The following NMT1 variants were observed in gnomAD, a reference collection of about 807,000 sequenced individuals.
The protein encoded by NMT1 is glycylpeptide N-tetradecanoyltransferase 1.
A neutral mutation model predicts 63.4 loss-of-function variants in NMT1; 12 were observed. The observed-to-expected ratio is 0.19, with a 90% CI of 0.12 to 0.31. The LOEUF (loss-of-function observed/expected upper bound fraction) is 0.31. Ranked by LOEUF, NMT1 falls within the 10% of genes least tolerant of loss-of-function variation. The probability of loss-of-function intolerance (pLI) is 1.00; values close to 1 mark genes in which losing one functional copy is unlikely to be tolerated. For missense variants in NMT1, 432 were observed against 634.6 expected, an observed-to-expected ratio of 0.68 and a Z score of 3.43; for synonymous variants, 228 against 234.3, an observed-to-expected ratio of 0.97 and a Z score of 0.25.
At chr17:45,099,859 C>T (rs2054149671) in intron 8 of NMT1, 1 of 247,242 alleles carries the variant, frequency 4.0e-6, no homozygotes, top group Admixed American at 4.8e-5. Context: ...CAGCGCGTTC[C>T]AAAGCCCAGC....
chr17:45,096,987 G>A (rs1379720227), intron 5 of NMT1, 141 bp from the exon 6 acceptor site: 8 of 688,798 alleles, frequency 1.2e-5, no homozygotes, highest in Admixed American at 6.1e-5. Context: ...TGTCCAGGAG[G>A]GCTTGGCCCT....
chr17:45,083,395 C>G (rs7212533), intron 2 of NMT1, among the ~76,000 whole-genome samples: 2,543 of 151,972 alleles, frequency 0.017, 54 homozygotes, highest in South Asian at 0.07. Flanking sequence ...CGCAAAAATC[C>G]ATATTCATTC....
At chr17:45,074,002 C>T (rs1014323449) in intron 1 of NMT1, among the ~76,000 whole-genome samples, 3 of 152,112 alleles carry the variant, frequency 2.0e-5, no homozygotes, top group African/African-American at 7.2e-5. Flanking sequence ...CCTCGCTGCT[C>T]CTGTTGTCTA....
chr17:45,107,455 CTG>C lies in NMT1; in HGVS notation c.*1817_*1818del, dbSNP rs2054209912. On this transcript the variant is annotated 3_prime_UTR_variant, in exon 12 of 12. Transcript: ENST00000258960. ...ACGTTTGCTCCTTGACTCCAAGAAA[CTG>C]AGACCAAAGAAGCTGCTGTTCTTAG... is the stretch of plus-strand genomic sequence containing the variant. 1 of 152,634 alleles carries C rather than the reference CTG, an allele frequency of 6.6e-6. No homozygotes were observed. Among genetic ancestry groups the C allele is most frequent in the Admixed American group, 6.5e-5 (1 of 15,282 alleles). The allele number at this position is 152,634 out of a possible 1,614,324, so 9.5% of individuals were successfully genotyped here. A position where few individuals can be genotyped will look rare whatever the true frequency, so the allele number is the denominator to read the frequency against.
chr17:45,096,627 C>T (rs1163986536), intron 5 of NMT1, among the ~76,000 whole-genome samples: 1 of 152,186 alleles, frequency 6.6e-6, no homozygotes, highest in Non-Finnish European at 1.5e-5. Flanking sequence ...TGAGCATGCT[C>T]AGTTGTATAG....
intron 1 of NMT1, among the ~76,000 whole-genome samples, chr17:45,076,906 C>T (rs1361064827): frequency 6.6e-6 from 1 of 152,106 alleles, no homozygotes; most frequent in Non-Finnish European, 1.5e-5. Flanking sequence ...ATTTTAGTTT[C>T]GGTCTTGGAG....
chr17:45,098,656 C>G (rs1216133569), intron 7 of NMT1, 104 bp downstream of exon 7: 1 of 1,067,502 alleles, frequency 9.4e-7, no homozygotes, highest in African/African-American at 1.6e-5. Flanking sequence ...CATCCCACCT[C>G]TGGCGTATCT....
At chr17:45,093,594 G>A in intron 3 of NMT1, 91 bp from the exon 4 acceptor site, 1 of 964,332 alleles carries the variant, frequency 1.0e-6, no homozygotes, top group South Asian at 1.5e-5. Flanking sequence ...CCTAGGGACA[G>A]GAGGAATTTG....
At chr17:45,073,353 G>T (rs2053955502) in intron 1 of NMT1, among the ~76,000 whole-genome samples, 1 of 151,982 alleles carries the variant, frequency 6.6e-6, no homozygotes, top group South Asian at 2.1e-4. Flanking sequence ...AGGAGGCGGA[G>T]GTTGCAGTGA....
intron 6 of NMT1, among the ~76,000 whole-genome samples, chr17:45,097,623 T>C (rs2054134205): frequency 6.6e-6 from 1 of 152,144 alleles, no homozygotes; most frequent in Non-Finnish European, 1.5e-5. Context: ...CCCAAGAGTG[T>C]TGGGAATATA....
rs777621617 is a variant in NMT1, at chr17:45,098,392, A to T, written c.724A>T (p.Met242Leu). 1.2e-6 allele frequency: 2 copies of T among 1,613,980 alleles called. No individual in the cohort carries two copies. The change falls in exon 7 of 12, where the codon ATG becomes TTG. Residue 242 changes from methionine (M) to leucine (L), a missense_variant. Met to Leu is a conservative substitution (Grantham distance 15). Transcript: ENST00000258960. ...NIHIYDTEKKMVEINFLCVHK... is the reference protein window; with the variant it reads ...NIHIYDTEKKLVEINFLCVHK... Reference sequence around the variant, plus strand: ...TTTTCCCCCTCTTAGAGAGAAGAAGATGGTAGAGATCAACTTCCTGTGTGT... The same window carrying T: ...TTTTCCCCCTCTTAGAGAGAAGAAGTTGGTAGAGATCAACTTCCTGTGTGT...
intron 5 of NMT1, among the ~76,000 whole-genome samples, 165 bp from the exon 6 acceptor site, chr17:45,096,963 G>A (rs1023102648): frequency 2.6e-5 from 4 of 152,250 alleles, no homozygotes; most frequent in Admixed American, 1.3e-4. Context: ...AAATGGTGAT[G>A]GCTCGATTCT....
intron 1 of NMT1, chr17:45,061,891 C>T (rs1043770124): frequency 6.4e-6 from 1 of 157,012 alleles, no homozygotes; most frequent in Non-Finnish European, 1.4e-5. Context: ...AGTGAGGAAA[C>T]TCATCAGACT....
In NMT1 at chr17:45,102,977, A is replaced by G. The variant is rs2054177738; in HGVS notation, c.1020A>G (p.Pro340=). 10 of 1,613,066 alleles carry G rather than the reference A, an allele frequency of 6.2e-6. No individual in the cohort carries two copies. The highest frequency in any genetic ancestry group is 7.6e-6 in the Non-Finnish European group (9 of 1,179,124). The part of the protein sequence containing the change: ...PETPKTAGLR[P]METKDIPVVH... ...CTCCCAAGACAGCTGGGCTGCGACC[A>G]ATGGAAACAAAGGACATTCCAGTAG... The change falls in exon 9 of 12, where the codon CCA becomes CCG. Residue 340 remains proline, a synonymous_variant. Transcript: ENST00000258960.
At chr17:45,092,834 T>TG (rs1441044429) in intron 3 of NMT1, among the ~76,000 whole-genome samples, 1 of 152,226 alleles carries the variant, frequency 6.6e-6, no homozygotes, top group Non-Finnish European at 1.5e-5. Context: ...GTTACTGGGT[T>TG]GGTCCCTTTT....
intron 1 of NMT1, among the ~76,000 whole-genome samples, chr17:45,062,470 G>C (rs2143440112): frequency 6.6e-6 from 1 of 152,310 alleles, no homozygotes; most frequent in African/African-American, 2.4e-5. Flanking sequence ...TAGCCAGCTT[G>C]TTATTCGCAG....
intron 4 of NMT1, among the ~76,000 whole-genome samples, chr17:45,094,818 T>TC (rs1309991495): frequency 1.4e-5 from 2 of 146,704 alleles, no homozygotes; most frequent in Admixed American, 1.4e-4. Context: ...GCCTGGCTTT[T>TC]TTTTTTTTTT....
In NMT1 at chr17:45,097,733, C is replaced by G. The variant is rs556438315; in HGVS notation, c.713+489C>G. ...GATCTTGGTTCACTGCAAGCTCCAC[C>G]TCCAGGGTTCAAACGATTCTCCTGC... On this transcript the variant is annotated intron_variant, in intron 6 of 11. Coordinates refer to ENST00000258960, the MANE Select transcript of NMT1 (RefSeq NM_021079.5). 1.2e-4 allele frequency among the ~76,000 whole-genome samples: 18 copies of G among 152,262 alleles called. No homozygotes were observed. In the East Asian group the frequency reaches 2.9e-3, roughly 25 times the overall value.
intron 1 of NMT1, among the ~76,000 whole-genome samples, chr17:45,073,470 G>A (rs1178789604): frequency 6.6e-6 from 1 of 151,990 alleles, no homozygotes; most frequent in African/African-American, 2.4e-5. Context: ...ATGTCATCGG[G>A]AAGCCAAGAA....
Sources: allele counts gnomAD v4.1 joint callset (sites outside exome capture counted in the v4.1 genomes callset), GRCh38; gene constraint gnomAD v4.1.1; transcripts MANE v1.5; gene names NCBI Gene and HGNC (gene_info 2026-07-23, HGNC 2026-07-21).